BAZ2B: variants seen among roughly 807,000 people sequenced by gnomAD.
The protein encoded by BAZ2B is bromodomain adjacent to zinc finger domain protein 2B.
A neutral mutation model predicts 246.0 loss-of-function variants in BAZ2B; 91 were observed. The ratio of observed to expected loss-of-function variants is 0.37; its 90% CI spans 0.31 to 0.44. BAZ2B has a LOEUF of 0.44. BAZ2B is among the 20% of genes least tolerant of loss of function. The pLI, the probability that BAZ2B is intolerant of heterozygous loss-of-function variation, is 1.00. For synonymous variants in BAZ2B, 855 were observed against 860.0 expected (o/e 0.99, Z 0.10); for missense variants, 2,332 against 2,533.7 (o/e 0.92, Z 1.71).
At chr2:159,434,873 A>G (rs553121082) in intron 8 of BAZ2B, 1 of 152,216 alleles carries the variant, frequency 6.6e-6, no homozygotes, top group African/African-American at 2.4e-5. Context: ...CATAAAATTT[A>G]TGTCTATAAA....
the BAZ2B span, among the ~76,000 whole-genome samples, chr2:159,629,457 A>G: frequency 2.0e-5 from 3 of 152,224 alleles, no homozygotes; most frequent in African/African-American, 7.2e-5. Context: ...GGATAAAGAG[A>G]ATGTGGCACA....
chr2:159,322,347 C>A (rs1391638082), intron 36 of BAZ2B, among the ~76,000 whole-genome samples: 4 of 152,260 alleles, frequency 2.6e-5, no homozygotes, highest in African/African-American at 9.6e-5. Context: ...GTATTATCGT[C>A]ACTTCTAAAA....
chr2:159,342,034 C>T (rs2066827833), intron 31 of BAZ2B, among the ~76,000 whole-genome samples: 1 of 152,004 alleles, frequency 6.6e-6, no homozygotes, highest in Non-Finnish European at 1.5e-5. Flanking sequence ...CAGAAATAAA[C>T]CAAATTGAGA....
chr2:159,454,653 A>G (rs954336965), intron 3 of BAZ2B, among the ~76,000 whole-genome samples: 2 of 152,240 alleles, frequency 1.3e-5, no homozygotes, highest in African/African-American at 2.4e-5. Context: ...GTGTATGACT[A>G]TACTTCTTAG....
At chr2:159,646,833 A>G in the BAZ2B span, among the ~76,000 whole-genome samples, 1 of 152,106 alleles carries the variant, frequency 6.6e-6, no homozygotes, top group Non-Finnish European at 1.5e-5. Context: ...GCCCCTTTAT[A>G]ACAAGGATTG....
At chr2:159,661,050 C>T in the BAZ2B span, among the ~76,000 whole-genome samples, 11 of 152,046 alleles carry the variant, frequency 7.2e-5, 1 homozygote, top group Admixed American at 6.5e-4. Flanking sequence ...TCCATCACTC[C>T]AAAAAGTTTT....
chr2:159,428,505 C>T (rs1056130843), intron 11 of BAZ2B, 86 bp from the exon 12 acceptor site: 32 of 899,542 alleles, frequency 3.6e-5, no homozygotes, highest in Non-Finnish European at 6.5e-6. Flanking sequence ...TATACATGTT[C>T]TCTAGAAAAC....
chr2:159,464,949 G>A (rs1242826913), intron 3 of BAZ2B, among the ~76,000 whole-genome samples: 1 of 152,106 alleles, frequency 6.6e-6, no homozygotes, highest in Non-Finnish European at 1.5e-5. Context: ...CAATACATAA[G>A]AAAGTCTTAG....
chr2:159,689,767 A>T, the BAZ2B span: 1 of 504,630 alleles, frequency 2.0e-6, no homozygotes, highest in Non-Finnish European at 3.6e-6. Context: ...GAATCAATTT[A>T]TTGACCACTT....
At chr2:159,366,825 T>C (rs760139084) in intron 27 of BAZ2B, among the ~76,000 whole-genome samples, 8 of 152,226 alleles carry the variant, frequency 5.3e-5, no homozygotes, top group Non-Finnish European at 8.8e-5. Context: ...CTTTCAGCAC[T>C]GTCAACAAAC....
intron 2 of BAZ2B, among the ~76,000 whole-genome samples, chr2:159,510,069 G>A (rs955603715): frequency 2.6e-5 from 4 of 152,188 alleles, no homozygotes; most frequent in African/African-American, 7.2e-5. Context: ...AATATTGTAT[G>A]ATTCCACTTA....
intron 3 of BAZ2B, among the ~76,000 whole-genome samples, chr2:159,457,259 T>C (rs1255625514): frequency 6.6e-6 from 1 of 152,168 alleles, no homozygotes; most frequent in Admixed American, 6.5e-5. Flanking sequence ...ATTTAAACAG[T>C]GCAAGACTAT....
At chr2:159,389,601 T>C (rs2063083500) in intron 20 of BAZ2B, 116 bp from the exon 21 acceptor site, 2 of 911,822 alleles carry the variant, frequency 2.2e-6, no homozygotes, top group African/African-American at 1.7e-5. Context: ...TACTCTCTAA[T>C]TTTCAAAATA....
chr2:159,394,533 T>A (rs1469557358), intron 20 of BAZ2B, among the ~76,000 whole-genome samples: 5 of 152,188 alleles, frequency 3.3e-5, no homozygotes, highest in African/African-American at 1.2e-4. Context: ...AAAACTTCCA[T>A]AACCTTTAGG....
intron 14 of BAZ2B, among the ~76,000 whole-genome samples, chr2:159,407,872 C>T (rs1234713383): frequency 6.6e-6 from 1 of 152,134 alleles, no homozygotes; most frequent in African/African-American, 2.4e-5. Context: ...TCAGCAACCT[C>T]TGATAATAAT....
chr2:159,410,639 C>A (rs1184477282), intron 14 of BAZ2B, among the ~76,000 whole-genome samples: 1 of 152,098 alleles, frequency 6.6e-6, no homozygotes, highest in African/African-American at 2.4e-5. Flanking sequence ...CGGGTCATAA[C>A]TTTATAGCAG....
At chr2:159,707,358 G>A in the BAZ2B span, among the ~76,000 whole-genome samples, 2 of 151,626 alleles carry the variant, frequency 1.3e-5, no homozygotes, top group Admixed American at 6.6e-5. Flanking sequence ...AGGCCACCCT[G>A]AGCAACATAC....
chr2:159,389,120 A>G (rs1018517382), intron 21 of BAZ2B, among the ~76,000 whole-genome samples: 2 of 151,004 alleles, frequency 1.3e-5, no homozygotes, highest in African/African-American at 4.9e-5. Flanking sequence ...CAACCAACCA[A>G]CCAACCAAAC....
the BAZ2B span, among the ~76,000 whole-genome samples, chr2:159,692,373 G>C: frequency 2.0e-5 from 3 of 152,038 alleles, no homozygotes; most frequent in Non-Finnish European, 2.9e-5. Context: ...GGCCAGGCTG[G>C]TCTTGACCTC....
Sources: allele counts gnomAD v4.1 joint callset (sites outside exome capture counted in the v4.1 genomes callset), GRCh38; gene constraint gnomAD v4.1.1; transcripts MANE v1.5; gene names NCBI Gene and HGNC (gene_info 2026-07-23, HGNC 2026-07-21).